ATRN: variants seen among roughly 807,000 people sequenced by gnomAD.
The protein encoded by ATRN is attractin.
ATRN carries 54 observed loss-of-function variants against 178.7 expected under a neutral mutation model. The ratio of observed to expected loss-of-function variants is 0.30; its 90% CI spans 0.24 to 0.38. The LOEUF (loss-of-function observed/expected upper bound fraction) is 0.38, where lower values mean the gene tolerates loss of function less well. ATRN is among the 10% of genes least tolerant of loss of function. The pLI is 1.00. For synonymous variants in ATRN, 636 were observed against 663.0 expected (o/e 0.96, Z 0.63); for missense variants, 1,443 against 1,815.1 (o/e 0.79, Z 3.73).
At chr20:3,646,275 A>G (rs1460691664) in intron 28 of ATRN, among the ~76,000 whole-genome samples, 1 of 152,184 alleles carries the variant, frequency 6.6e-6, no homozygotes, top group Non-Finnish European at 1.5e-5. Context: ...GAATCTCGTC[A>G]TAAAGCGTGC....
intron 26 of ATRN, among the ~76,000 whole-genome samples, chr20:3,637,154 T>A (rs141871884): frequency 4.5e-4 from 69 of 152,346 alleles, no homozygotes; most frequent in African/African-American, 1.5e-3. Context: ...ACCCGTGTGA[T>A]TTGGAATTTC....
At chr20:3,475,112 C>T (rs238732) in intron 1 of ATRN, among the ~76,000 whole-genome samples, 59,910 of 150,942 alleles carry the variant, frequency 0.4, 14,112 homozygotes, top group African/African-American at 0.64. Flanking sequence ...ATTGCAGTGG[C>T]TTGTATCTTG....
Position 3,492,168 on chromosome 20 carries a change from A to AGTGTGTGTGTGTGTGTGT in ATRN, c.410+20670_410+20687dup, listed in dbSNP as rs58489496. 1.4e-4 allele frequency among the ~76,000 whole-genome samples: 19 copies of AGTGTGTGTGTGTGTGTGT among 140,696 alleles called. 1 individual carries two copies. The highest frequency in any genetic ancestry group is 7.2e-4 in the South Asian group (3 of 4,150). 92.3% of individuals were successfully genotyped at this position (140,696 alleles called of 152,430 possible). On this transcript the variant is annotated intron_variant, in intron 1 of 28. Transcript: ENST00000262919. ...GTTGAGAGCATATTCTAGATAGGGG[A>AGTGTGTGTGTGTGTGTGT]GTGTGTGTGTGTGTGTGTGTGTGTG... is the stretch of plus-strand genomic sequence containing the variant.
At chr20:3,613,315 T>C (rs1164683451) in intron 24 of ATRN, among the ~76,000 whole-genome samples, 1 of 152,168 alleles carries the variant, frequency 6.6e-6, no homozygotes, top group East Asian at 1.9e-4. Flanking sequence ...CGTGTCACCG[T>C]GTGTTCTCAG....
At chr20:3,619,727 G>T (rs2086881863) in intron 24 of ATRN, among the ~76,000 whole-genome samples, 1 of 152,102 alleles carries the variant, frequency 6.6e-6, no homozygotes, top group Non-Finnish European at 1.5e-5. Context: ...CTCTGTTTTG[G>T]CAGAGACCCA....
intron 6 of ATRN, among the ~76,000 whole-genome samples, chr20:3,555,606 A>T (rs1028277129): frequency 1.3e-5 from 2 of 152,168 alleles, no homozygotes; most frequent in Admixed American, 1.3e-4. Context: ...ATTCTAACAG[A>T]CTGCACTCTC....
At chr20:3,482,425 C>T (rs936725726) in intron 1 of ATRN, among the ~76,000 whole-genome samples, 2 of 151,986 alleles carry the variant, frequency 1.3e-5, no homozygotes, top group Non-Finnish European at 2.9e-5. Flanking sequence ...AATTTTTTTG[C>T]GTGTTTTGAT....
chr20:3,527,521 C>T (rs2085384166), intron 1 of ATRN, among the ~76,000 whole-genome samples: 1 of 152,132 alleles, frequency 6.6e-6, no homozygotes, highest in African/African-American at 2.4e-5. Flanking sequence ...TGGGGTGACT[C>T]AAGGTTCTAG....
rs1168001051 is a variant in ATRN at position 3,565,399 on chromosome 20, A to G, written c.1838A>G (p.Asn613Ser). 3.1e-6 allele frequency: 5 copies of G among 1,613,986 alleles called. No homozygotes were observed. Among genetic ancestry groups the G allele is most frequent in the Admixed American group, 1.7e-5 (1 of 59,986 alleles). ...LPRPDLHHDV[N>S]RFGHSAVLHN... ...AGACCTGATCTCCACCATGATGTCA[A>G]CAGATTTGGCCATTCAGCAGTCTTA... The change falls in exon 11 of 29, where the codon AAC (asparagine) becomes AGC (serine). Residue 613 changes from asparagine to serine, a missense_variant. Around this residue, in one of 4 missense-constraint regions of ATRN, gnomAD observed 862 missense variants for 972.1 expected, o/e 0.89. Transcript: ENST00000262919.
At chr20:3,511,948 C>T (rs2085134106) in intron 1 of ATRN, among the ~76,000 whole-genome samples, 1 of 150,176 alleles carries the variant, frequency 6.7e-6, no homozygotes, top group South Asian at 2.1e-4. Flanking sequence ...GAGTTAATAA[C>T]ATCAATTAAT....
At chr20:3,539,694 G>A (rs913827633) in intron 2 of ATRN, among the ~76,000 whole-genome samples, 1 of 152,090 alleles carries the variant, frequency 6.6e-6, no homozygotes, top group African/African-American at 2.4e-5. Context: ...ACCCAGTGGT[G>A]TGGTATAGAA....
intron 1 of ATRN, among the ~76,000 whole-genome samples, chr20:3,497,428 T>C (rs1157674519): frequency 2.0e-5 from 3 of 152,112 alleles, no homozygotes; most frequent in Non-Finnish European, 2.9e-5. Flanking sequence ...TGAAGCTTAG[T>C]TTGGCTGGAT....
In ATRN at chr20:3,584,827, C is replaced by G; in HGVS notation, c.3131C>G (p.Ser1044Cys). ...TTCTATCCACAGCCCCTGCTCAATTCCAGCATGTGTCTAGAGGACAGCAGA... is the reference window on the plus strand; with the variant it reads ...TTCTATCCACAGCCCCTGCTCAATTGCAGCATGTGTCTAGAGGACAGCAGA... ...GNFYPQPLLN[S>C]SMCLEDSRYN... Residue 1044 changes from serine (S) to cysteine (C), a missense_variant, in exon 18 of 29, where the codon TCC (serine) becomes TGC (cysteine). Ser to Cys is a moderately radical substitution (Grantham distance 112). Around this residue, in one of 4 missense-constraint regions of ATRN, gnomAD observed 80 missense variants for 71.5 expected, o/e 1.12. Coordinates refer to ENST00000262919, the MANE Select transcript of ATRN (RefSeq NM_139321.3). 1.9e-6 allele frequency: 3 copies of G among 1,614,190 alleles called. No homozygotes were observed. Among genetic ancestry groups the G allele is most frequent in the Non-Finnish European group, 2.5e-6 (3 of 1,180,028 alleles).
chr20:3,592,755 T>G (rs2086467575), intron 19 of ATRN, among the ~76,000 whole-genome samples: 1 of 152,134 alleles, frequency 6.6e-6, no homozygotes, highest in Admixed American at 6.5e-5. Context: ...GGGTTCAGTT[T>G]CCTCCTAATA....
chr20:3,559,039 C>T (rs2085916496), intron 6 of ATRN, among the ~76,000 whole-genome samples: 1 of 152,050 alleles, frequency 6.6e-6, no homozygotes, highest in South Asian at 2.1e-4. Flanking sequence ...TCTTCAGTTT[C>T]TCATGATTAA....
At chr20:3,561,132 C>T (rs2085947004) in intron 8 of ATRN, among the ~76,000 whole-genome samples, 1 of 151,896 alleles carries the variant, frequency 6.6e-6, no homozygotes, top group African/African-American at 2.4e-5. Context: ...ACCAGCCTGG[C>T]ACCAACATGG....
intron 18 of ATRN, among the ~76,000 whole-genome samples, chr20:3,587,795 T>C (rs1172228067): frequency 6.6e-6 from 1 of 152,162 alleles, no homozygotes; most frequent in Non-Finnish European, 1.5e-5. Context: ...AAGGTTTGCA[T>C]TGAATCTACT....
At chr20:3,610,758 T>TG (rs1240174112) in intron 24 of ATRN, among the ~76,000 whole-genome samples, 1 of 140,228 alleles carries the variant, frequency 7.1e-6, no homozygotes, top group Non-Finnish European at 1.5e-5. Context: ...TTTTTTTTTT[T>TG]TTTTTTTTTG....
At chr20:3,598,434 G>A (rs745327604) in intron 22 of ATRN, among the ~76,000 whole-genome samples, 2 of 152,014 alleles carry the variant, frequency 1.3e-5, no homozygotes, top group African/African-American at 2.4e-5. Flanking sequence ...CAAGGGAGGG[G>A]ACCCCAATCA....
Sources: gnomAD v4.1 joint callset for allele counts (sites outside exome capture counted in the v4.1 genomes callset) on GRCh38, gnomAD v4.1.1 for gene constraint, gnomAD v4.1.1 regional missense constraint, MANE v1.5 for transcripts, NCBI Gene and HGNC (gene_info 2026-07-23, HGNC 2026-07-21) for gene names.